ADGRL2: variants seen among roughly 807,000 people sequenced by gnomAD.
ADGRL2 encodes calcium-independent alpha-latrotoxin receptor 2.
A neutral mutation model predicts 157.4 loss-of-function variants in ADGRL2; 44 were observed. The observed-to-expected ratio is 0.28, with a 90% CI of 0.22 to 0.36. ADGRL2 has a LOEUF of 0.36. Among genes scored for constraint, ADGRL2 ranks in the 10% least tolerant of loss-of-function variants. The pLI, the probability that ADGRL2 is intolerant of heterozygous loss-of-function variation, is 1.00. For synonymous variants in ADGRL2, 585 were observed against 624.7 expected (o/e 0.94, Z 0.95); for missense variants, 1,510 against 1,768.9 (o/e 0.85, Z 2.63).
intron 2 of ADGRL2, among the ~76,000 whole-genome samples, chr1:81,460,374 C>T (rs927151805): frequency 4.0e-5 from 6 of 151,696 alleles, no homozygotes; most frequent in African/African-American, 7.3e-5. Flanking sequence ...ATATTTGTTT[C>T]ATTTTATTTT....
At chr1:81,584,218 A>T (rs2080977319) in intron 3 of ADGRL2, among the ~76,000 whole-genome samples, 1 of 152,092 alleles carries the variant, frequency 6.6e-6, no homozygotes, top group South Asian at 2.1e-4. Flanking sequence ...GTTTTTCTTC[A>T]TCTATTCACT....
At chr1:81,457,845 G>A (rs981950437) in intron 2 of ADGRL2, among the ~76,000 whole-genome samples, 2 of 152,168 alleles carry the variant, frequency 1.3e-5, no homozygotes, top group South Asian at 4.1e-4. Flanking sequence ...AGGAGCTTTA[G>A]AATCATTATT....
intron 2 of ADGRL2, among the ~76,000 whole-genome samples, chr1:81,563,167 G>A (rs564054036): frequency 3.3e-5 from 5 of 152,138 alleles, no homozygotes; most frequent in East Asian, 1.9e-4. Flanking sequence ...AAATGGGCTC[G>A]TGTCACCCAT....
chr1:81,931,156 C>A (rs1025757156), intron 3 of ADGRL2, among the ~76,000 whole-genome samples: 5 of 151,954 alleles, frequency 3.3e-5, no homozygotes, highest in Middle Eastern at 3.4e-3. Context: ...CTCAAAAAAA[C>A]CAAAAAACAA....
At chr1:81,709,798 A>C (rs1313457829) in intron 1 of ADGRL2, among the ~76,000 whole-genome samples, 1 of 152,178 alleles carries the variant, frequency 6.6e-6, no homozygotes, top group Non-Finnish European at 1.5e-5. Context: ...AAAATGGTCA[A>C]CCAAGCTTTA....
chr1:81,379,716 A>G (rs1029254568), intron 1 of ADGRL2, among the ~76,000 whole-genome samples: 1 of 151,892 alleles, frequency 6.6e-6, no homozygotes, highest in South Asian at 2.1e-4. Flanking sequence ...CATCCTCTCC[A>G]TGTTCTCTAC....
At chr1:81,849,725 G>T (rs17468073) in intron 2 of ADGRL2, among the ~76,000 whole-genome samples, 2 of 151,826 alleles carry the variant, frequency 1.3e-5, no homozygotes, top group African/African-American at 2.4e-5. Flanking sequence ...CCTTAAGATT[G>T]CATGTTTTGG....
intron 1 of ADGRL2, among the ~76,000 whole-genome samples, chr1:81,331,626 G>A (rs900972953): frequency 3.9e-5 from 6 of 152,168 alleles, no homozygotes; most frequent in Admixed American, 3.9e-4. Flanking sequence ...TTGTGAGTGG[G>A]AAACCACAAT....
In ADGRL2 at chr1:81,749,628, C is replaced by A. The variant is rs72715772; in HGVS notation, c.-142-12183C>A. 7.4e-3 allele frequency among the ~76,000 whole-genome samples: 1,123 copies of A among 152,232 alleles called. 12 individuals carry two copies. The highest frequency in any genetic ancestry group is 0.012 in the Non-Finnish European group (833 of 68,008). On this transcript the variant is annotated intron_variant, in intron 1 of 20. Transcript: ENST00000359929. The stretch of plus-strand genomic sequence containing the variant: ...TTGTTAAATGAATACATAAACTAGA[C>A]ATTGGATGCTTTCAGAATATAATTT...
intron 1 of ADGRL2, among the ~76,000 whole-genome samples, chr1:81,333,189 C>A (rs1312631332): frequency 6.6e-6 from 1 of 152,080 alleles, no homozygotes; most frequent in African/African-American, 2.4e-5. Flanking sequence ...CACAGAGGGA[C>A]CCAAAGAGAA....
intron 3 of ADGRL2, among the ~76,000 whole-genome samples, chr1:81,624,919 C>G (rs957002543): frequency 6.6e-6 from 1 of 152,168 alleles, no homozygotes; most frequent in East Asian, 1.9e-4. Context: ...CATCATTAAG[C>G]TTATACTTTG....
intron 1 of ADGRL2, among the ~76,000 whole-genome samples, chr1:81,392,274 C>T (rs920922723): frequency 1.3e-5 from 2 of 151,716 alleles, no homozygotes; most frequent in South Asian, 2.1e-4. Flanking sequence ...AAAAAGAAAC[C>T]TCCTGCCTGG....
At chr1:81,619,958 A>T (rs910641680) in intron 3 of ADGRL2, among the ~76,000 whole-genome samples, 4 of 152,076 alleles carry the variant, frequency 2.6e-5, no homozygotes, top group Admixed American at 2.6e-4. Flanking sequence ...AAAAGAGGAT[A>T]GTAAGTAACG....
At chr1:81,501,508 G>A (rs1361519710) in intron 2 of ADGRL2, among the ~76,000 whole-genome samples, 1 of 152,216 alleles carries the variant, frequency 6.6e-6, no homozygotes, top group Non-Finnish European at 1.5e-5. Context: ...GCCTTATAAA[G>A]TTTATATCTT....
intron 3 of ADGRL2, among the ~76,000 whole-genome samples, chr1:81,919,075 C>T (rs2094922075): frequency 6.6e-6 from 1 of 152,084 alleles, no homozygotes; most frequent in African/African-American, 2.4e-5. Context: ...CCTGGACATT[C>T]ACAGGTTGAT....
chr1:81,487,936 T>TA (rs148799361), intron 2 of ADGRL2, among the ~76,000 whole-genome samples: 2,314 of 152,206 alleles, frequency 0.015, 45 homozygotes, highest in African/African-American at 0.047. Flanking sequence ...ATATATTTAG[T>TA]AAAAAATATG....
At chr1:81,496,913 G>T (rs1259841163) in intron 2 of ADGRL2, among the ~76,000 whole-genome samples, 1 of 151,882 alleles carries the variant, frequency 6.6e-6, no homozygotes, top group Non-Finnish European at 1.5e-5. Context: ...TTCCTTTTCT[G>T]GGTTGGCTTT....
Position 81,633,315 on chromosome 1 carries a change from G to A in ADGRL2, c.-143+52335G>A, listed in dbSNP as rs1461465504. Reference sequence around the variant, plus strand: ...AATGTAGTCAAAAGAGAACATGCTGGGCGGGCGCAGTGGCTCATGCTTGTA... The same window carrying A: ...AATGTAGTCAAAAGAGAACATGCTGAGCGGGCGCAGTGGCTCATGCTTGTA... On this transcript the variant is annotated intron_variant, in intron 3 of 24. Transcript: ENST00000370721. Among the ~76,000 whole-genome samples, 8 of 152,036 alleles carry A rather than the reference G, an allele frequency of 5.3e-5. No individual in the cohort carries two copies. The South Asian group carries it at 1.0e-3, about 20-fold the overall frequency.
chr1:81,747,270 T>C, intron 1 of ADGRL2, among the ~76,000 whole-genome samples: 1 of 148,954 alleles, frequency 6.7e-6, no homozygotes, highest in South Asian at 2.1e-4. Flanking sequence ...TGTATATGTG[T>C]ATATATACAT....
Sources: gnomAD v4.1 joint callset for allele counts (sites outside exome capture counted in the v4.1 genomes callset) on GRCh38, gnomAD v4.1.1 for gene constraint, MANE v1.5 for transcripts, NCBI Gene and HGNC (gene_info 2026-07-23, HGNC 2026-07-21) for gene names.